The following SLC8A1 variants were observed in gnomAD, a reference collection of about 807,000 sequenced individuals.
The protein encoded by SLC8A1 is solute carrier family 8 member A1.
SLC8A1 carries 18 observed loss-of-function variants against 68.3 expected under a neutral mutation model. The ratio of observed to expected loss-of-function variants is 0.26; its 90% CI spans 0.18 to 0.39. The LOEUF is 0.39. SLC8A1 is among the 10% of genes least tolerant of loss of function. The pLI, the probability that SLC8A1 is intolerant of heterozygous loss-of-function variation, is 1.00. For missense variants in SLC8A1, 985 were observed against 1,156.7 expected, an observed-to-expected ratio of 0.85 and a Z score of 2.15; for synonymous variants, 475 against 415.5, an observed-to-expected ratio of 1.14 and a Z score of -1.74.
chr2:40,418,827 G>A (rs1694651969), intron 2 of SLC8A1, among the ~76,000 whole-genome samples: 1 of 152,196 alleles, frequency 6.6e-6, no homozygotes, highest in African/African-American at 2.4e-5. Flanking sequence ...CATCTGGGAT[G>A]GGGACAGGAG....
intron 6 of SLC8A1, among the ~76,000 whole-genome samples, chr2:40,145,971 T>G (rs1395539577): frequency 1.3e-5 from 1 of 79,518 alleles, no homozygotes; most frequent in Non-Finnish European, 2.7e-5. Context: ...TGATCTCTCT[T>G]TTTTTTGTAT....
At chr2:40,237,327 C>G (rs2060532423) in intron 2 of SLC8A1, among the ~76,000 whole-genome samples, 1 of 152,032 alleles carries the variant, frequency 6.6e-6, no homozygotes, top group African/African-American at 2.4e-5. Flanking sequence ...TTTCTCTAAA[C>G]TTCCCTTCTC....
intron 2 of SLC8A1, among the ~76,000 whole-genome samples, chr2:40,335,839 T>A (rs1463093257): frequency 6.6e-6 from 1 of 152,218 alleles, no homozygotes; most frequent in African/African-American, 2.4e-5. Context: ...GGGAACCTGA[T>A]CCAATTTATA....
At position 40,194,502 on chromosome 2, in the gene SLC8A1, TGTGTGCGCGC is replaced by T. The variant is rs985884427; in HGVS notation, c.1809-16657_1809-16648del. ...GTGTGTGTGTGTGTGTGTGTGTGTG[TGTGTGCGCGC>T]GCAAAGAAAACGAGAGGGAGAAGGA... is the stretch of plus-strand genomic sequence containing the variant. On this transcript the variant is annotated intron_variant, in intron 2 of 7. Transcript: ENST00000406785. 1.5e-4 allele frequency among the ~76,000 whole-genome samples: 22 copies of T among 146,238 alleles called. 1 individual carries two copies. The highest frequency in any genetic ancestry group is 2.7e-4 in the Admixed American group (4 of 14,768).
intron 2 of SLC8A1, among the ~76,000 whole-genome samples, chr2:40,211,689 G>T (rs1365246499): frequency 6.6e-6 from 1 of 152,134 alleles, no homozygotes; most frequent in Non-Finnish European, 1.5e-5. Flanking sequence ...GACTATCAGG[G>T]CCAAAAAAGA....
chr2:40,179,224 CATG>C (rs1221830080), intron 2 of SLC8A1, among the ~76,000 whole-genome samples: 1 of 152,192 alleles, frequency 6.6e-6, no homozygotes, highest in Non-Finnish European at 1.5e-5. Flanking sequence ...AGGTGCGAGT[CATG>C]ATGTTGTAGT....
intron 2 of SLC8A1, among the ~76,000 whole-genome samples, chr2:40,326,858 G>C (rs2075881545): frequency 6.6e-6 from 1 of 152,174 alleles, no homozygotes; most frequent in Non-Finnish European, 1.5e-5. Context: ...AAAGATGATT[G>C]TGTGGAAACA....
chr2:40,178,271 G>A (rs1008367963), intron 2 of SLC8A1, 116 bp downstream of exon 3: 1 of 807,364 alleles, frequency 1.2e-6, no homozygotes, highest in Non-Finnish European at 2.1e-6. Context: ...TCTGTGCCCT[G>A]TTACATAGGT....
At chr2:40,173,582 C>T (rs980990758) in intron 4 of SLC8A1, among the ~76,000 whole-genome samples, 2 of 152,326 alleles carry the variant, frequency 1.3e-5, no homozygotes, top group African/African-American at 4.8e-5. Flanking sequence ...CGGACAGAAT[C>T]ACATTGGAAT....
At chr2:40,383,204 A>C (rs562890641) in intron 2 of SLC8A1, among the ~76,000 whole-genome samples, 23 of 152,116 alleles carry the variant, frequency 1.5e-4, no homozygotes, top group Admixed American at 1.5e-3. Context: ...CATGGAGCAA[A>C]GTTTCATGAA....
In SLC8A1 at chr2:40,207,307, C is replaced by T. The variant is rs1438635987; in HGVS notation, c.1809-29452G>A. 6.9e-4 allele frequency among the ~76,000 whole-genome samples: 105 copies of T among 151,980 alleles called. 3 individuals carry two copies. The highest frequency in any genetic ancestry group is 6.9e-3 in the Admixed American group (105 of 15,234). ...ATTTTCAGCTGGCCAGACACCTTCC[C>T]ATTATCCCCGAAGCAGTGTGATTTT... On this transcript the variant is annotated intron_variant, in intron 2 of 7. Transcript: ENST00000406785.
At chr2:40,466,585 G>A (rs975931912) in intron 1 of SLC8A1, among the ~76,000 whole-genome samples, 2 of 152,138 alleles carry the variant, frequency 1.3e-5, no homozygotes, top group Non-Finnish European at 2.9e-5. Flanking sequence ...AACTGAGGGT[G>A]CTAATCTGCT....
chr2:40,344,425 G>A (rs750558892), intron 2 of SLC8A1, among the ~76,000 whole-genome samples: 6 of 152,062 alleles, frequency 3.9e-5, no homozygotes, highest in Admixed American at 6.6e-5. Context: ...CTCACTGTCC[G>A]TATAGACACA....
rs1697879086 is a variant in SLC8A1, at chr2:40,429,995, C to T, written c.286G>A (p.Ala96Thr). The T allele has an allele frequency of 6.2e-7, 1 of 1,613,726 alleles. No homozygotes were observed. Among genetic ancestry groups the T allele is most frequent in the Admixed American group, 1.7e-5 (1 of 59,900 alleles). The change falls in exon 2 of 8, where the codon GCT becomes ACT. Residue 96 changes from alanine to threonine, a missense_variant. Physicochemically the swap from Ala to Thr is moderately conservative, Grantham distance 58 (BLOSUM62 0). Transcript: ENST00000406785. Reference sequence around the variant, plus strand: ...TCTATAGAGGACATGAACCGATCAGCTATGATAGAGACTCCAAGAAACATG... The same window carrying T: ...TCTATAGAGGACATGAACCGATCAGTTATGATAGAGACTCCAAGAAACATG...
chr2:40,430,098 C>T (rs778176573), exon 2 of SLC8A1: 15 of 1,613,790 alleles, frequency 9.3e-6, no homozygotes, highest in Admixed American at 1.7e-5. Context: ...CCCAAATGGG[C>T]AAAATCACCC....
chr2:40,218,618 A>G (rs1371046494), intron 2 of SLC8A1, among the ~76,000 whole-genome samples: 7 of 151,950 alleles, frequency 4.6e-5, no homozygotes, highest in African/African-American at 1.4e-4. Flanking sequence ...AAGCAAAGGG[A>G]AAAAAAAGGA....
At chr2:40,339,651 C>G (rs999166468) in intron 2 of SLC8A1, among the ~76,000 whole-genome samples, 4 of 152,142 alleles carry the variant, frequency 2.6e-5, no homozygotes, top group African/African-American at 9.7e-5. Flanking sequence ...ATTCCATTGT[C>G]AATATCACCA....
intron 7 of SLC8A1, among the ~76,000 whole-genome samples, chr2:40,125,062 A>C (rs1273417379): frequency 6.6e-6 from 1 of 152,228 alleles, no homozygotes; most frequent in East Asian, 1.9e-4. Context: ...CTATTTACAA[A>C]GAGCATGTAT....
At chr2:40,189,360 G>A (rs772034534) in intron 2 of SLC8A1, among the ~76,000 whole-genome samples, 46 of 152,174 alleles carry the variant, frequency 3.0e-4, no homozygotes, top group African/African-American at 4.3e-4. Context: ...TCGCTCTGTC[G>A]CCCAGTCTGT....
Sources: allele counts gnomAD v4.1 joint callset (sites outside exome capture counted in the v4.1 genomes callset), GRCh38; gene constraint gnomAD v4.1.1; transcripts MANE v1.5; gene names NCBI Gene and HGNC (gene_info 2026-07-23, HGNC 2026-07-21).